The following AFF3 variants were observed in gnomAD, a reference collection of about 807,000 sequenced individuals.
The protein encoded by AFF3 is AF4/FMR2 family member 3.
AFF3 carries 32 observed loss-of-function variants against 129.7 expected under a neutral mutation model. The ratio of observed to expected loss-of-function variants is 0.25; its 90% CI spans 0.19 to 0.33. The LOEUF is 0.33. Ranked by LOEUF, AFF3 falls within the 10% of genes least tolerant of loss-of-function variation. The pLI is 1.00. For missense variants in AFF3, 1,373 were observed against 1,592.0 expected (o/e 0.86, Z 2.34); for synonymous variants, 644 against 635.4 (o/e 1.01, Z -0.20).
chr2:99,852,204 A>C (rs1690199224), intron 7 of AFF3, among the ~76,000 whole-genome samples: 1 of 152,202 alleles, frequency 6.6e-6, no homozygotes, highest in Non-Finnish European at 1.5e-5. Context: ...GTCAGCCCTG[A>C]TCAATACAGC....
intron 13 of AFF3, among the ~76,000 whole-genome samples, chr2:99,636,573 T>C (rs769242269): frequency 7.9e-5 from 12 of 152,080 alleles, no homozygotes; most frequent in Non-Finnish European, 1.8e-4. Context: ...GACAATTACA[T>C]AGAGGAAGTC....
chr2:100,132,837 T>C (rs1692477383), intron 1 of AFF3, among the ~76,000 whole-genome samples: 1 of 151,998 alleles, frequency 6.6e-6, no homozygotes, highest in Non-Finnish European at 1.5e-5. Context: ...GTAAAATATA[T>C]TATTAAAAAT....
At chr2:99,837,428 A>C (rs1308198231) in intron 8 of AFF3, 49 bp downstream of exon 8, 4 of 1,552,670 alleles carry the variant, frequency 2.6e-6, no homozygotes, top group Non-Finnish European at 2.7e-6. Context: ...CTTTCTATTT[A>C]GAGTCTATGT....
At chr2:99,802,879 G>T (rs530445134) in intron 8 of AFF3, among the ~76,000 whole-genome samples, 2 of 151,850 alleles carry the variant, frequency 1.3e-5, no homozygotes, top group Non-Finnish European at 2.9e-5. Flanking sequence ...GGGTTTTCTA[G>T]GTGTACAATC....
chr2:99,772,727 G>A (rs1270890094), intron 8 of AFF3, among the ~76,000 whole-genome samples: 2 of 152,118 alleles, frequency 1.3e-5, no homozygotes, highest in African/African-American at 4.8e-5. Context: ...TCCCAACCCT[G>A]GGAAGTTAAG....
chr2:99,644,269 A>T (rs1285730733), intron 13 of AFF3, among the ~76,000 whole-genome samples: 1 of 152,182 alleles, frequency 6.6e-6, no homozygotes, highest in African/African-American at 2.4e-5. Flanking sequence ...TTATATGCAC[A>T]ATTTAACCAC....
At chr2:99,679,771 A>G (rs13021954) in intron 11 of AFF3, among the ~76,000 whole-genome samples, 1 of 152,168 alleles carries the variant, frequency 6.6e-6, no homozygotes, top group African/African-American at 2.4e-5. Flanking sequence ...CAAATCACCC[A>G]CTTCCCCTAG....
intron 13 of AFF3, among the ~76,000 whole-genome samples, chr2:99,611,079 G>A (rs949807503): frequency 2.6e-5 from 4 of 151,920 alleles, no homozygotes; most frequent in Non-Finnish European, 2.9e-5. Context: ...TTCATTCTGC[G>A]GTTGAGCTCA....
At chr2:99,836,350 A>G (rs899022269) in intron 8 of AFF3, among the ~76,000 whole-genome samples, 2 of 152,224 alleles carry the variant, frequency 1.3e-5, no homozygotes, top group Non-Finnish European at 2.9e-5. Context: ...TTAACTGGAA[A>G]CAAAGCCCCA....
chr2:100,082,406 C>CAA (rs2105361597), intron 4 of AFF3, among the ~76,000 whole-genome samples: 1 of 151,774 alleles, frequency 6.6e-6, no homozygotes, highest in South Asian at 2.1e-4. Flanking sequence ...ACATACTTGG[C>CAA]AAAAGAATGT....
Position 99,633,366 on chromosome 2 carries a change from T to G in AFF3, c.1184+16260A>C, listed in dbSNP as rs568638530. ...GATGGTGCTGTGTGGACGATGGCAA[T>G]GCATGGAGGGCCTGCTGGGGGATAG... is the stretch of plus-strand genomic sequence containing the variant. On this transcript the variant is annotated intron_variant, in intron 13 of 24. Transcript: ENST00000672756. 9.2e-5 allele frequency among the ~76,000 whole-genome samples: 14 copies of G among 152,072 alleles called. No individual in the cohort carries two copies. In the East Asian group the frequency reaches 9.7e-4, roughly 11 times the overall value.
chr2:99,867,771 C>T (rs570037070), intron 7 of AFF3, among the ~76,000 whole-genome samples: 3 of 152,244 alleles, frequency 2.0e-5, no homozygotes, highest in African/African-American at 7.2e-5. Context: ...CCATCCATTT[C>T]CCTGTGGTTT....
At chr2:99,856,300 T>C (rs1690521124) in intron 7 of AFF3, among the ~76,000 whole-genome samples, 1 of 152,152 alleles carries the variant, frequency 6.6e-6, no homozygotes, top group Non-Finnish European at 1.5e-5. Flanking sequence ...AGAATTTTAT[T>C]ACACAATATT....
At chr2:99,905,235 C>G (rs1393629548) in intron 7 of AFF3, among the ~76,000 whole-genome samples, 2 of 152,180 alleles carry the variant, frequency 1.3e-5, no homozygotes, top group African/African-American at 4.8e-5. Flanking sequence ...TCCGTGGAGC[C>G]CACGTCTTCA....
intron 15 of AFF3, among the ~76,000 whole-genome samples, chr2:99,592,790 G>T: frequency 6.6e-6 from 1 of 152,076 alleles, no homozygotes; most frequent in East Asian, 1.9e-4. Flanking sequence ...AAAAAAATTA[G>T]CTGGGCATGG....
rs1286363906 is a variant in AFF3, at chr2:99,547,504, T to C, written c.*3970A>G. On this transcript the variant is annotated 3_prime_UTR_variant, in exon 25 of 25. Coordinates refer to ENST00000672756, the MANE Select transcript of AFF3 (RefSeq NM_001386135.1). ...TGTTAAAAAAATCTTGCTTTTTTTT[T>C]TTTTTGGTGATGCAGATTTCAACAG... 9.6e-6 allele frequency: 2 copies of C among 207,702 alleles called. No homozygotes were observed. The highest frequency in any genetic ancestry group is 2.3e-5 in the African/African-American group (1 of 43,894). 12.9% of individuals were successfully genotyped at this position (207,702 alleles called of 1,614,324 possible).
At chr2:99,801,259 A>C (rs1468662553) in intron 8 of AFF3, among the ~76,000 whole-genome samples, 1 of 152,200 alleles carries the variant, frequency 6.6e-6, no homozygotes, top group Admixed American at 6.5e-5. Context: ...TTTCATCAAC[A>C]TCAGCTAAAT....
chr2:99,626,876 C>T (rs1682637113), intron 13 of AFF3, among the ~76,000 whole-genome samples: 1 of 152,126 alleles, frequency 6.6e-6, no homozygotes, highest in Admixed American at 6.5e-5. Context: ...TGGATTCCTG[C>T]TACATCCATG....
At chr2:99,560,523 T>A in intron 20 of AFF3, 87 bp from the exon 21 acceptor site, 1 of 1,241,148 alleles carries the variant, frequency 8.1e-7, no homozygotes, top group Non-Finnish European at 1.2e-6. Context: ...ACAGAACTTC[T>A]ATGATGGTAG....
Sources: allele counts gnomAD v4.1 joint callset (sites outside exome capture counted in the v4.1 genomes callset), GRCh38; gene constraint gnomAD v4.1.1; transcripts MANE v1.5; gene names NCBI Gene and HGNC (gene_info 2026-07-23, HGNC 2026-07-21).